The following SNAP25 variants were observed in gnomAD, a reference collection of about 807,000 sequenced individuals.
SNAP25 encodes synaptosome associated protein 25.
SNAP25 carries 3 observed loss-of-function variants against 28.7 expected under a neutral mutation model. The ratio of observed to expected loss-of-function variants is 0.10; its 90% CI spans 0.05 to 0.27. The LOEUF is 0.27. Among genes scored for constraint, SNAP25 ranks in the 10% least tolerant of loss-of-function variants. SNAP25 has a pLI of 1.00. For missense variants in SNAP25, 117 were observed against 278.7 expected (o/e 0.42, Z 4.13); for synonymous variants, 61 against 88.1 (o/e 0.69, Z 1.72).
intron 1 of SNAP25, among the ~76,000 whole-genome samples, chr20:10,220,196 A>G (rs576555560): frequency 6.6e-6 from 1 of 152,330 alleles, no homozygotes; most frequent in East Asian, 1.9e-4. Context: ...ACTAAGCAGA[A>G]TCAACTTTAA....
intron 1 of SNAP25, among the ~76,000 whole-genome samples, chr20:10,240,399 A>G (rs976067862): frequency 1.3e-5 from 2 of 152,198 alleles, no homozygotes; most frequent in African/African-American, 2.4e-5. Flanking sequence ...TTATACACGC[A>G]GGATCCATTT....
At chr20:10,247,089 C>T (rs1200343199) in intron 1 of SNAP25, among the ~76,000 whole-genome samples, 1 of 152,008 alleles carries the variant, frequency 6.6e-6, no homozygotes, top group Non-Finnish European at 1.5e-5. Context: ...TGGCCTCATG[C>T]GTCCAGTTAA....
chr20:10,244,662 C>G (rs746467840), intron 1 of SNAP25, among the ~76,000 whole-genome samples: 22 of 151,828 alleles, frequency 1.4e-4, no homozygotes, highest in Non-Finnish European at 2.6e-4. Flanking sequence ...GTGACTGGGT[C>G]TCATCAGGAG....
intron 1 of SNAP25, among the ~76,000 whole-genome samples, chr20:10,235,639 G>T (rs192072246): frequency 5.6e-4 from 86 of 152,310 alleles, no homozygotes; most frequent in African/African-American, 2.0e-3. Flanking sequence ...AAACTCAGTG[G>T]TTTAAAACAG....
Position 10,246,464 on chromosome 20 carries a change from G to A in SNAP25, c.-64+27487G>A, listed in dbSNP as rs182448475. Among the ~76,000 whole-genome samples the A allele has an allele frequency of 2.3e-4, 35 of 152,238 alleles. No homozygotes were observed. In the East Asian group the frequency reaches 6.0e-3, roughly 26 times the overall value. On this transcript the variant is annotated intron_variant, in intron 1 of 7. Coordinates refer to ENST00000254976, the MANE Select transcript of SNAP25 (RefSeq NM_130811.4). ...GGAAATTTTGACGTTTATCTAAAAC[G>A]TCTTATGGAGAAGAAAGAAAAGAGG...
intron 1 of SNAP25, among the ~76,000 whole-genome samples, chr20:10,266,343 A>G (rs2063505937): frequency 6.6e-6 from 1 of 152,262 alleles, no homozygotes; most frequent in Admixed American, 6.5e-5. Flanking sequence ...AGTGAAAATA[A>G]TAGCACCAAA....
chr20:10,305,207 A>G (rs1337036204), intron 7 of SNAP25, among the ~76,000 whole-genome samples: 29 of 152,134 alleles, frequency 1.9e-4, no homozygotes, highest in Non-Finnish European at 3.8e-4. Context: ...GTTTGTCTTA[A>G]TTGTTGCAAA....
chr20:10,272,527 G>C (rs2063613836), intron 1 of SNAP25, among the ~76,000 whole-genome samples: 2 of 152,162 alleles, frequency 1.3e-5, no homozygotes, highest in African/African-American at 4.8e-5. Flanking sequence ...TGCATCTTAA[G>C]ATTCTGGAGT....
rs370729013 is a variant in SNAP25 at position 10,271,561 on chromosome 20, A to G, written c.-63-3868A>G. Among the ~76,000 whole-genome samples, 4 of 152,350 alleles carry G rather than the reference A, an allele frequency of 2.6e-5. No homozygotes were observed. The South Asian group carries it at 6.2e-4, about 24-fold the overall frequency. On this transcript the variant is annotated intron_variant, in intron 1 of 7. Coordinates refer to ENST00000254976, the MANE Select transcript of SNAP25 (RefSeq NM_130811.4). ...TGATGAAACCAAGGGTATCTGCCAC[A>G]TGGCTTCTCCGCCATCGCACCAGCT...
chr20:10,297,592 T>TC (rs2064141032), intron 6 of SNAP25, among the ~76,000 whole-genome samples: 19 of 152,224 alleles, frequency 1.2e-4, no homozygotes, highest in South Asian at 1.0e-3. Flanking sequence ...ACCACCATAG[T>TC]CCTGGGGGAC....
intron 7 of SNAP25, among the ~76,000 whole-genome samples, chr20:10,300,832 G>A (rs1247261252): frequency 6.6e-6 from 1 of 152,126 alleles, no homozygotes; most frequent in Non-Finnish European, 1.5e-5. Context: ...ATATGATAAA[G>A]CTTTTAAAGC....
intron 1 of SNAP25, among the ~76,000 whole-genome samples, chr20:10,243,981 G>T (rs2063082008): frequency 6.6e-6 from 1 of 152,236 alleles, no homozygotes; most frequent in Admixed American, 6.5e-5. Context: ...CTAGGACTTT[G>T]CAGACCCCTC....
rs1568635620 is a variant in SNAP25, at chr20:10,306,823, A to G, written c.*626A>G. The G allele has an allele frequency of 6.5e-6, 1 of 154,696 alleles. No homozygotes were observed. Among genetic ancestry groups the G allele is most frequent in the Non-Finnish European group, 1.5e-5 (1 of 68,224 alleles). The allele number at this position is 154,696 out of a possible 1,614,324, so 9.6% of individuals were successfully genotyped here. A position where few individuals can be genotyped will look rare whatever the true frequency, so the allele number is the denominator to read the frequency against. ...AGACAACACACACACACACAAAACAACAGCAACAACAACAGAACAACAACA... is the reference window on the plus strand; with the variant it reads ...AGACAACACACACACACACAAAACAGCAGCAACAACAACAGAACAACAACA... On this transcript the variant is annotated 3_prime_UTR_variant, in exon 8 of 8. Coordinates refer to ENST00000254976, the MANE Select transcript of SNAP25 (RefSeq NM_130811.4).
intron 1 of SNAP25, among the ~76,000 whole-genome samples, chr20:10,235,762 G>A (rs1183416214): frequency 6.6e-6 from 1 of 152,196 alleles, no homozygotes; most frequent in Non-Finnish European, 1.5e-5. Flanking sequence ...AGTGGTTATT[G>A]CTGGCTCTTG....
chr20:10,266,787 T>C (rs1568602039), intron 1 of SNAP25, among the ~76,000 whole-genome samples: 1 of 152,016 alleles, frequency 6.6e-6, no homozygotes. Context: ...TGGGCTGAAA[T>C]AGAAGAAATT....
chr20:10,241,836 G>T (rs1392218936), intron 1 of SNAP25, among the ~76,000 whole-genome samples: 1 of 152,192 alleles, frequency 6.6e-6, no homozygotes, highest in East Asian at 1.9e-4. Flanking sequence ...GCCTGCAGAG[G>T]AGACTGGCTT....
intron 1 of SNAP25, among the ~76,000 whole-genome samples, chr20:10,221,721 T>G (rs2062638011): frequency 6.6e-6 from 1 of 152,264 alleles, no homozygotes; most frequent in South Asian, 2.1e-4. Flanking sequence ...AACTACCCGT[T>G]AATTAGCTTG....
At position 10,253,609 on chromosome 20, in the gene SNAP25, G is replaced by A. The variant is rs363050; in HGVS notation, c.-63-21820G>A. 0.56 allele frequency among the ~76,000 whole-genome samples: 85,390 copies of A among 151,910 alleles called. 24,456 individuals carry two copies. The highest frequency in any genetic ancestry group is 0.67 in the Middle Eastern group (196 of 294). On this transcript the variant is annotated intron_variant, in intron 1 of 7. Transcript: ENST00000254976. ...TACTATGAGCACCTGTGAATGAGTG[G>A]TCGGGCAGCCAAGGGTCCCATTCAG... is the stretch of plus-strand genomic sequence containing the variant.
intron 1 of SNAP25, among the ~76,000 whole-genome samples, chr20:10,246,997 A>T (rs1321007427): frequency 6.6e-6 from 1 of 152,170 alleles, no homozygotes; most frequent in African/African-American, 2.4e-5. Context: ...ATGAGCACTG[A>T]CACACATAAA....
Sources: allele counts gnomAD v4.1 joint callset (sites outside exome capture counted in the v4.1 genomes callset), GRCh38; gene constraint gnomAD v4.1.1; transcripts MANE v1.5; gene names NCBI Gene and HGNC (gene_info 2026-07-23, HGNC 2026-07-21).